Variants in RPIA observed in about 807,000 individuals in gnomAD.
RPIA encodes ribose 5-phosphate isomerase A.
RPIA carries 29 observed loss-of-function variants against 37.8 expected under a neutral mutation model. The ratio of observed to expected loss-of-function variants is 0.77; its 90% CI spans 0.57 to 1.05. RPIA has a LOEUF of 1.05. RPIA is among the 50% of genes least tolerant of loss of function. The pLI, the probability that RPIA is intolerant of heterozygous loss-of-function variation, is 0.00. For synonymous variants in RPIA, 167 were observed against 157.0 expected (o/e 1.06, Z -0.48); for missense variants, 385 against 413.6 (o/e 0.93, Z 0.60).
chr2:88,728,879 T>G (rs1199440519), intron 3 of RPIA, among the ~76,000 whole-genome samples: 2 of 152,268 alleles, frequency 1.3e-5, no homozygotes, highest in Non-Finnish European at 2.9e-5. Flanking sequence ...TTCATAATGA[T>G]CTTCCTCAGT....
chr2:88,692,182 G>A (rs1215101122), intron 1 of RPIA, among the ~76,000 whole-genome samples, 199 bp downstream of exon 1: 2 of 152,190 alleles, frequency 1.3e-5, no homozygotes, highest in Non-Finnish European at 2.9e-5. Context: ...GGAATCGGTT[G>A]GGGGCGAATC....
At chr2:88,743,822 G>A (rs765934332) in intron 8 of RPIA, among the ~76,000 whole-genome samples, 5 of 152,088 alleles carry the variant, frequency 3.3e-5, no homozygotes, top group Non-Finnish European at 5.9e-5. Flanking sequence ...TAGTAGCCTT[G>A]AATGATCTTT....
chr2:88,745,497 G>A (rs1293930271), intron 8 of RPIA, among the ~76,000 whole-genome samples: 1 of 151,780 alleles, frequency 6.6e-6, no homozygotes, highest in Non-Finnish European at 1.5e-5. Context: ...CTCAGCATTT[G>A]TTTGTCTGAA....
intron 8 of RPIA, among the ~76,000 whole-genome samples, chr2:88,748,504 G>T (rs568160414): frequency 1.3e-5 from 2 of 152,278 alleles, no homozygotes; most frequent in East Asian, 3.9e-4. Flanking sequence ...CCAACAGTGT[G>T]TGCAGGTATC....
At chr2:88,736,896 T>C (rs1673322169) in intron 7 of RPIA, among the ~76,000 whole-genome samples, 1 of 152,204 alleles carries the variant, frequency 6.6e-6, no homozygotes, top group African/African-American at 2.4e-5. Flanking sequence ...GCATCTCCTT[T>C]GTACAGATAG....
At chr2:88,698,118 C>T (rs1348987591) in intron 1 of RPIA, among the ~76,000 whole-genome samples, 1 of 143,970 alleles carries the variant, frequency 6.9e-6, no homozygotes, top group Non-Finnish European at 1.5e-5. Context: ...CTGTTGCTGG[C>T]TTGAAATGTC....
At chr2:88,695,635 T>A (rs1388814109) in intron 1 of RPIA, among the ~76,000 whole-genome samples, 2 of 152,206 alleles carry the variant, frequency 1.3e-5, no homozygotes, top group Admixed American at 1.3e-4. Context: ...GATGTATCAT[T>A]TACTTGTCTT....
chr2:88,693,488 G>T (rs1011045714), intron 1 of RPIA, among the ~76,000 whole-genome samples: 3 of 152,196 alleles, frequency 2.0e-5, no homozygotes, highest in African/African-American at 7.2e-5. Flanking sequence ...GCATCCTAAG[G>T]AGAGGAAGAT....
intron 2 of RPIA, 132 bp downstream of exon 2, chr2:88,698,676 A>T: frequency 1.2e-6 from 1 of 831,592 alleles, no homozygotes; most frequent in Admixed American, 1.7e-5. Flanking sequence ...GGAGAGAGGG[A>T]CTACCTGAGG....
intron 3 of RPIA, among the ~76,000 whole-genome samples, chr2:88,728,423 C>T (rs992129593): frequency 2.0e-5 from 3 of 152,112 alleles, no homozygotes; most frequent in African/African-American, 7.2e-5. Context: ...GAACCTGGAC[C>T]TTCTGATTCT....
At chr2:88,722,125 C>G (rs1673140924) in intron 3 of RPIA, among the ~76,000 whole-genome samples, 1 of 151,738 alleles carries the variant, frequency 6.6e-6, no homozygotes, top group Non-Finnish European at 1.5e-5. Context: ...TTTTCTCATA[C>G]AAAATTATTT....
intron 3 of RPIA, among the ~76,000 whole-genome samples, chr2:88,705,207 A>G (rs886086980): frequency 6.6e-6 from 1 of 152,196 alleles, no homozygotes; most frequent in African/African-American, 2.4e-5. Context: ...ACATAATTAG[A>G]AAAAACTACC....
At chr2:88,723,879 T>C (rs889784555) in intron 3 of RPIA, among the ~76,000 whole-genome samples, 1 of 151,834 alleles carries the variant, frequency 6.6e-6, no homozygotes, top group Non-Finnish European at 1.5e-5. Context: ...TCTGGAAAGG[T>C]GGGACAACTC....
chr2:88,710,346 A>T (rs1394925850), intron 3 of RPIA, among the ~76,000 whole-genome samples: 1 of 152,128 alleles, frequency 6.6e-6, no homozygotes, highest in Non-Finnish European at 1.5e-5. Context: ...GCGCCCAGCC[A>T]AGGCAGTTCT....
intron 1 of RPIA, among the ~76,000 whole-genome samples, chr2:88,692,455 C>T (rs1676950176): frequency 6.6e-6 from 1 of 152,188 alleles, no homozygotes; most frequent in Non-Finnish European, 1.5e-5. Context: ...GCGCCGGCCC[C>T]TGAGTGTACT....
intron 3 of RPIA, among the ~76,000 whole-genome samples, chr2:88,710,309 G>A (rs1455650508): frequency 3.9e-5 from 6 of 152,140 alleles, no homozygotes; most frequent in Admixed American, 2.6e-4. Flanking sequence ...GCCTCCCAAA[G>A]TGCTGAGATT....
intron 8 of RPIA, among the ~76,000 whole-genome samples, chr2:88,743,799 A>G (rs888134904): frequency 6.6e-6 from 1 of 152,054 alleles, no homozygotes; most frequent in Non-Finnish European, 1.5e-5. Context: ...GTTCATGCAC[A>G]TACAGGTGTT....
At chr2:88,721,280 G>C (rs1393359794) in intron 3 of RPIA, among the ~76,000 whole-genome samples, 2 of 151,292 alleles carry the variant, frequency 1.3e-5, no homozygotes, top group African/African-American at 4.9e-5. Context: ...TGGGTGGATG[G>C]GTACAGCAAA....
chr2:88,723,696 G>C (rs1293599386), intron 3 of RPIA, among the ~76,000 whole-genome samples: 1 of 152,154 alleles, frequency 6.6e-6, no homozygotes, highest in African/African-American at 2.4e-5. Context: ...TCTGAGACAG[G>C]TTTCAGGTAA....
Sources: allele counts gnomAD v4.1 joint callset (sites outside exome capture counted in the v4.1 genomes callset), GRCh38; gene constraint gnomAD v4.1.1; transcripts MANE v1.5; gene names NCBI Gene and HGNC (gene_info 2026-07-23, HGNC 2026-07-21).